TUBGCP6: variants seen among roughly 807,000 people sequenced by gnomAD.
TUBGCP6 encodes the protein gamma-tubulin complex component 6.
Under a neutral mutation model 175.8 loss-of-function variants are expected in TUBGCP6, and 161 were observed. The ratio of observed to expected loss-of-function variants is 0.92; its 90% CI spans 0.81 to 1.04. TUBGCP6 has a LOEUF of 1.04. TUBGCP6 is among the 50% of genes least tolerant of loss of function. TUBGCP6 has a pLI of 0.00. For synonymous variants in TUBGCP6, 1,173 were observed against 1,030.5 expected (o/e 1.14, Z -2.65); for missense variants, 2,572 against 2,433.0 (o/e 1.06, Z -1.20).
chr22:50,217,902 C>G lies in TUBGCP6; in HGVS notation c.5368+16G>C, dbSNP rs1246666520. ...CCTGGCCCCCCCGCAGCCCTCCCAG[C>G]CAGGGTGGGCCTCACCTTTGAAGAG... On this transcript the variant is annotated intron_variant, in intron 24 of 24. Transcript: ENST00000248846. 1 of 1,604,536 alleles carries G rather than the reference C, an allele frequency of 6.2e-7. No homozygotes were observed.
At chr22:50,230,892 T>C (rs2064679309) in intron 3 of TUBGCP6, among the ~76,000 whole-genome samples, 1 of 150,474 alleles carries the variant, frequency 6.6e-6, no homozygotes, top group African/African-American at 2.5e-5. Context: ...GAGACCAGCC[T>C]CACCAACATG....
chr22:50,242,814 A>T (rs564549037), intron 1 of TUBGCP6, among the ~76,000 whole-genome samples: 1 of 152,300 alleles, frequency 6.6e-6, no homozygotes, highest in South Asian at 2.1e-4. Flanking sequence ...GTTTTAATTA[A>T]CTTCAATTTA....
Position 50,221,537 on chromosome 22 carries a change from G to A in TUBGCP6, c.2822C>T (p.Ala941Val). The A allele has an allele frequency of 6.3e-7, 1 of 1,584,930 alleles. No individual in the cohort carries two copies. The highest frequency in any genetic ancestry group is 8.6e-7 in the Non-Finnish European group (1 of 1,163,912). Residue 941 changes from alanine to valine, a missense_variant, in exon 16 of 25, where the codon GCC (alanine) becomes GTC (valine). Ala to Val is a moderately conservative substitution (Grantham distance 64). Coordinates refer to ENST00000248846, the MANE Select transcript of TUBGCP6 (RefSeq NM_020461.4). ...CTGTGGCCTGGAGGGCTGAGTGCTG[G>A]CTGCTGCGGGTGCCTCCCCAGGAGC... Reference protein sequence around the residue: ...PSAPGEAPAAASTQPSRPQEY... With the variant: ...PSAPGEAPAAVSTQPSRPQEY...
chr22:50,220,067 G>A (rs1035598218), intron 16 of TUBGCP6, 52 bp from the exon 17 acceptor site: 3 of 1,588,034 alleles, frequency 1.9e-6, no homozygotes, highest in East Asian at 2.3e-5. Flanking sequence ...GCCTGTGGCG[G>A]GTACAGAGCC....
At chr22:50,225,767 G>GC in intron 10 of TUBGCP6, 27 bp downstream of exon 10, 1 of 1,592,682 alleles carries the variant, frequency 6.3e-7, no homozygotes, top group Non-Finnish European at 8.6e-7. Flanking sequence ...GGCGAAGAAA[G>GC]CCCCCGAGAC....
At chr22:50,243,071 T>C (rs1423706967) in intron 1 of TUBGCP6, among the ~76,000 whole-genome samples, 1 of 152,050 alleles carries the variant, frequency 6.6e-6, no homozygotes, top group Non-Finnish European at 1.5e-5. Flanking sequence ...TCCCAGCACT[T>C]TGGGAGGCCG....
rs767171403 is a variant in TUBGCP6, at chr22:50,217,700, A to T, written c.*36T>A. ...GAGAGAGCTGCAGACAGGGTCCGAG[A>T]ACACCTTTATTGTGCACGTCCCCCG... On this transcript the variant is annotated 3_prime_UTR_variant, in exon 25 of 25. Coordinates refer to ENST00000248846, the MANE Select transcript of TUBGCP6 (RefSeq NM_020461.4). 1.9e-6 allele frequency: 3 copies of T among 1,595,176 alleles called. No individual in the cohort carries two copies. The highest frequency in any genetic ancestry group is 2.6e-6 in the Non-Finnish European group (3 of 1,166,440).
intron 2 of TUBGCP6, among the ~76,000 whole-genome samples, chr22:50,239,951 G>A (rs1438628744): frequency 2.6e-5 from 4 of 152,006 alleles, no homozygotes; most frequent in African/African-American, 9.7e-5. Flanking sequence ...GCACAGGGAG[G>A]GGAGTTCTGC....
chr22:50,226,263 G>A, intron 8 of TUBGCP6, 24 bp downstream of exon 8: 1 of 1,614,002 alleles, frequency 6.2e-7, no homozygotes, highest in Non-Finnish European at 8.5e-7. Context: ...ACGGACCCCT[G>A]CCCCGCAATC....
Position 50,243,902 on chromosome 22 carries a change from T to C in TUBGCP6, c.558A>G (p.Pro186=), listed in dbSNP as rs779607425. ...QETLQVMEAA[P]GTGLPTVGLF... is the part of the protein sequence containing the mutation. ...GCCCGACGGTGGGCAGGCCAGTGCC[T>C]GGAGCAGCCTCCATAACCTGAAGTG... is the stretch of plus-strand genomic sequence containing the variant. The change falls in exon 1 of 25, where the codon CCA becomes CCG. Residue 186 remains proline, a synonymous_variant. Coordinates refer to ENST00000248846, the MANE Select transcript of TUBGCP6 (RefSeq NM_020461.4). The C allele has an allele frequency of 6.2e-7, 1 of 1,613,984 alleles. No individual in the cohort carries two copies. The highest frequency in any genetic ancestry group is 8.5e-7 in the Non-Finnish European group (1 of 1,180,028).
chr22:50,243,269 G>A (rs1190975447), intron 1 of TUBGCP6, among the ~76,000 whole-genome samples: 1 of 152,198 alleles, frequency 6.6e-6, no homozygotes, highest in Non-Finnish European at 1.5e-5. Flanking sequence ...CCAGCATGGT[G>A]AAACCCCATC....
chr22:50,226,289 C>A lies in TUBGCP6; in HGVS notation c.1691G>T (p.Arg564Leu). The A allele has an allele frequency of 1.2e-6, 2 of 1,614,004 alleles. No individual in the cohort carries two copies. Among genetic ancestry groups the A allele is most frequent in the South Asian group, 2.2e-5 (2 of 91,076 alleles). The change falls in exon 8 of 25, where the codon CGA (arginine) becomes CTA (leucine). Residue 564 changes from arginine to leucine, a missense_variant and splice_region_variant. Transcript: ENST00000248846. ...CCCCGCAATCAGCTGCCACCTACCTCGGAAGCTGAGGTACTCGTGGTTCAC... is the reference window on the plus strand; with the variant it reads ...CCCCGCAATCAGCTGCCACCTACCTAGGAAGCTGAGGTACTCGTGGTTCAC... ...IQVNHEYLSFRDKLYWTHGYV... is the reference protein window; with the variant it reads ...IQVNHEYLSFLDKLYWTHGYV...
At chr22:50,240,807 T>C (rs1256980704) in intron 1 of TUBGCP6, among the ~76,000 whole-genome samples, 3 of 152,150 alleles carry the variant, frequency 2.0e-5, no homozygotes, top group African/African-American at 7.2e-5. Context: ...CTGGCCAGCA[T>C]GTGAAACCCC....
At position 50,219,984 on chromosome 22, in the gene TUBGCP6, GA is replaced by G. The variant is rs778059248; in HGVS notation, c.4139del (p.Leu1380ProfsTer95). ...GTGAGTTGAGAGGCCAATTTGGAGA[GA>G]GGTCCTCAGTGTCCCCGCTCCTCCC... ...GPGRSGDTED[L>X]SPNWPLNSQE... On this transcript the variant is annotated frameshift_variant, in exon 17 of 25. Coordinates refer to ENST00000248846, the MANE Select transcript of TUBGCP6 (RefSeq NM_020461.4). LOFTEE classifies it high-confidence loss of function. The G allele has an allele frequency of 3.7e-6, 6 of 1,614,064 alleles. No homozygotes were observed. The highest frequency in any genetic ancestry group is 5.1e-6 in the Non-Finnish European group (6 of 1,179,970).
chr22:50,218,888 C>T lies in TUBGCP6; in HGVS notation c.4636G>A (p.Gly1546Arg), dbSNP rs2064465195. ...SDLLFEKLGA[G>R]QTPGELLNPL... ...TTGAGCAGCTCTCCGGGCGTTTGCC[C>T]AGCTCCAAGCTAGGCAGAAAAGGGA... Residue 1546 changes from glycine (G) to arginine (R), a missense_variant, in exon 21 of 25, where the codon GGG becomes AGG. Coordinates refer to ENST00000248846, the MANE Select transcript of TUBGCP6 (RefSeq NM_020461.4). 16 of 1,610,154 alleles carry T rather than the reference C, an allele frequency of 9.9e-6. No homozygotes were observed. Among genetic ancestry groups the T allele is most frequent in the African/African-American group, 2.7e-5 (2 of 74,854 alleles).
At position 50,217,839 on chromosome 22, in the gene TUBGCP6, C is replaced by G. The variant is rs562694971; in HGVS notation, c.5369-12G>C. 6.2e-7 allele frequency: 1 copy of G among 1,613,190 alleles called. No individual in the cohort carries two copies. On this transcript the variant is annotated splice_polypyrimidine_tract_variant and intron_variant, in intron 24 of 24. Transcript: ENST00000248846. ...CAGCTTGGTCACCACTGGGGACCAGCGAGCAGCTCAGGCTTTTGCCCACAG... is the reference window on the plus strand; with the variant it reads ...CAGCTTGGTCACCACTGGGGACCAGGGAGCAGCTCAGGCTTTTGCCCACAG...
chr22:50,220,033 G>C lies in TUBGCP6; in HGVS notation c.4109-18C>G. On this transcript the variant is annotated intron_variant, in intron 16 of 24. Coordinates refer to ENST00000248846, the MANE Select transcript of TUBGCP6 (RefSeq NM_020461.4). ...CCCAGGGCCTGTGTGGACACAAGTG[G>C]ACACGAGGGCATCAGGGCCGAGTGC... 1 of 1,612,548 alleles carries C rather than the reference G, an allele frequency of 6.2e-7. No individual in the cohort carries two copies. The highest frequency in any genetic ancestry group is 1.3e-5 in the African/African-American group (1 of 74,980).
In TUBGCP6 at chr22:50,221,483, G is replaced by A. The variant is rs778832970; in HGVS notation, c.2876C>T (p.Pro959Leu). 6 of 1,589,514 alleles carry A rather than the reference G, an allele frequency of 3.8e-6. No individual in the cohort carries two copies. The African/African-American group carries it at 8.1e-5, about 21-fold the overall frequency. The change falls in exon 16 of 25, where the codon CCA becomes CTA. Residue 959 changes from proline (P) to leucine (L), a missense_variant. Pro to Leu is a moderately conservative substitution (Grantham distance 98, BLOSUM62 -3). Transcript: ENST00000248846. ...QEYDFSTVLR[P>L]AVATSPAPGP... ...TGGTGCAGGTGAGGTGGCCACAGCT[G>A]GCCTCAGGACAGTACTAAAGTCGTA... is the stretch of plus-strand genomic sequence containing the variant.
rs1184352821 is a variant in TUBGCP6, at chr22:50,218,775, A to C, written c.4749T>G (p.Ala1583=). The change falls in exon 21 of 25, where the codon GCT becomes GCG. Residue 1583 remains alanine (A), a synonymous_variant. Transcript: ENST00000248846. ...CAAACACCTCGGGCAGGTACTTGAG[A>C]GCGAGGGAGAGGTTGGAGGCGTGCG... The part of the protein sequence containing the change: ...DTPHASNLSL[A]LKYLPEVFAP... 1 of 1,613,998 alleles carries C rather than the reference A, an allele frequency of 6.2e-7. No individual in the cohort carries two copies.
Sources: allele counts gnomAD v4.1 joint callset (sites outside exome capture counted in the v4.1 genomes callset), GRCh38; gene constraint gnomAD v4.1.1; transcripts MANE v1.5; gene names NCBI Gene and HGNC (gene_info 2026-07-23, HGNC 2026-07-21).